Variants in HS3ST4 observed in about 807,000 individuals in gnomAD.
The protein encoded by HS3ST4 is heparan sulfate-glucosamine 3-sulfotransferase 4.
Under a neutral mutation model 29.2 loss-of-function variants are expected in HS3ST4, and 17 were observed. The observed-to-expected ratio is 0.58, with a 90% CI of 0.40 to 0.87. The LOEUF is 0.87. HS3ST4 is among the 40% of genes least tolerant of loss of function. The pLI is 0.00. For missense variants in HS3ST4, 627 were observed against 634.5 expected (o/e 0.99, Z 0.13); for synonymous variants, 314 against 285.7 (o/e 1.10, Z -1.00).
At chr16:25,737,491 CAG>C (rs1339600149) in intron 1 of HS3ST4, among the ~76,000 whole-genome samples, 5 of 152,054 alleles carry the variant, frequency 3.3e-5, no homozygotes, top group African/African-American at 1.2e-4. Context: ...ATCTCGTAAA[CAG>C]AAAGTCAAAT....
chr16:25,776,568 G>A (rs1322199955), intron 1 of HS3ST4, among the ~76,000 whole-genome samples: 3 of 152,324 alleles, frequency 2.0e-5, no homozygotes, highest in African/African-American at 7.2e-5. Context: ...GACCTCCTGA[G>A]GCTGTGTCAC....
At chr16:26,028,392 T>C (rs555442090) in intron 1 of HS3ST4, among the ~76,000 whole-genome samples, 1 of 152,176 alleles carries the variant, frequency 6.6e-6, no homozygotes, top group East Asian at 1.9e-4. Flanking sequence ...AAAGATAACT[T>C]ATTCTCTTGT....
At chr16:26,128,428 T>TA (rs1442709262) in intron 1 of HS3ST4, among the ~76,000 whole-genome samples, 1 of 152,222 alleles carries the variant, frequency 6.6e-6, no homozygotes, top group Non-Finnish European at 1.5e-5. Flanking sequence ...TCCCTGTTCT[T>TA]ACTTAATTCA....
At chr16:25,843,181 G>A (rs1271157435) in intron 1 of HS3ST4, among the ~76,000 whole-genome samples, 2 of 152,116 alleles carry the variant, frequency 1.3e-5, no homozygotes, top group Non-Finnish European at 1.5e-5. Context: ...TCACAGTTGT[G>A]TGGGTTACTT....
In HS3ST4 at chr16:26,137,489, T is replaced by G. The variant is rs1018695814; in HGVS notation, c.*1241T>G. On this transcript the variant is annotated 3_prime_UTR_variant, in exon 2 of 2. Coordinates refer to ENST00000331351, the MANE Select transcript of HS3ST4 (RefSeq NM_006040.3). Reference sequence around the variant, plus strand: ...CAAGAGCTGCTGAATGAAGTGTCCCTTCCCATCAGTTTGATTCAATTAAAA... The same window carrying G: ...CAAGAGCTGCTGAATGAAGTGTCCCGTCCCATCAGTTTGATTCAATTAAAA... 6.6e-6 allele frequency: 1 copy of G among 152,182 alleles called. No individual in the cohort carries two copies. The highest frequency in any genetic ancestry group is 2.1e-4 in the South Asian group (1 of 4,826). The allele number at this position is 152,182 out of a possible 1,614,324, so 9.4% of individuals were successfully genotyped here. A position where few individuals can be genotyped will look rare whatever the true frequency, so the allele number is the denominator to read the frequency against.
chr16:25,867,568 TCACA>T (rs770147278), intron 1 of HS3ST4, among the ~76,000 whole-genome samples: 14 of 151,968 alleles, frequency 9.2e-5, no homozygotes, highest in Non-Finnish European at 1.5e-4. Context: ...CAATAAACAG[TCACA>T]CACACGCACG....
chr16:25,768,140 G>T (rs1216145513), intron 1 of HS3ST4, among the ~76,000 whole-genome samples: 1 of 152,140 alleles, frequency 6.6e-6, no homozygotes, highest in Admixed American at 6.5e-5. Context: ...ATGCAGAGTT[G>T]GGTCATCAGT....
rs370279113 is a variant in HS3ST4, at chr16:25,832,740, AG to A, written c.734+139590del. Among the ~76,000 whole-genome samples the A allele has an allele frequency of 2.7e-3, 416 of 152,362 alleles. 4 individuals carry two copies. The highest frequency in any genetic ancestry group is 9.3e-3 in the African/African-American group (386 of 41,586). On this transcript the variant is annotated intron_variant, in intron 1 of 1. Coordinates refer to ENST00000331351, the MANE Select transcript of HS3ST4 (RefSeq NM_006040.3). ...TGGGCAATTTCTTTGTCAAACAAAAAGTACTGATTACCTTAGAAAGGATATT... is the reference window on the plus strand; with the variant it reads ...TGGGCAATTTCTTTGTCAAACAAAAATACTGATTACCTTAGAAAGGATATT...
intron 1 of HS3ST4, among the ~76,000 whole-genome samples, chr16:26,070,403 TGCAGACGTCA>T (rs1365378579): frequency 1.3e-5 from 2 of 152,198 alleles, no homozygotes; most frequent in Non-Finnish European, 2.9e-5. Flanking sequence ...AGCTCCCAGC[TGCAGACGTCA>T]GAACAAGCCT....
chr16:26,084,886 A>C (rs1297838917), intron 1 of HS3ST4, among the ~76,000 whole-genome samples: 1 of 152,112 alleles, frequency 6.6e-6, no homozygotes, highest in Non-Finnish European at 1.5e-5. Flanking sequence ...CAGGGATTTC[A>C]GGCATGAGCC....
At chr16:25,969,088 G>A (rs1968872223) in intron 1 of HS3ST4, among the ~76,000 whole-genome samples, 2 of 152,184 alleles carry the variant, frequency 1.3e-5, no homozygotes, top group African/African-American at 4.8e-5. Context: ...AAAGTGCTGG[G>A]ATTACAGGCG....
intron 1 of HS3ST4, among the ~76,000 whole-genome samples, chr16:26,027,310 G>A (rs1043081766): frequency 2.0e-5 from 3 of 152,110 alleles, no homozygotes; most frequent in African/African-American, 7.2e-5. Context: ...AAATTTCTGT[G>A]GTTCTCATTG....
At chr16:26,093,761 CT>C (rs1409467123) in intron 1 of HS3ST4, among the ~76,000 whole-genome samples, 1 of 152,198 alleles carries the variant, frequency 6.6e-6, no homozygotes, top group African/African-American at 2.4e-5. Context: ...CGGGGAATGA[CT>C]TTGACGAGTT....
intron 1 of HS3ST4, among the ~76,000 whole-genome samples, chr16:25,973,055 C>T (rs1382958467): frequency 6.6e-6 from 1 of 152,170 alleles, no homozygotes; most frequent in Non-Finnish European, 1.5e-5. Context: ...TGGGTTCTTC[C>T]TCAAAGAGCT....
intron 1 of HS3ST4, among the ~76,000 whole-genome samples, chr16:25,852,030 T>C (rs1967527033): frequency 6.6e-6 from 1 of 152,228 alleles, no homozygotes; most frequent in Non-Finnish European, 1.5e-5. Flanking sequence ...ATGAGAAAGG[T>C]GACATATAGA....
intron 1 of HS3ST4, among the ~76,000 whole-genome samples, chr16:26,067,519 C>T (rs1185901639): frequency 2.0e-5 from 3 of 151,592 alleles, no homozygotes; most frequent in Non-Finnish European, 4.4e-5. Context: ...ACCCCAGCCA[C>T]CCCTGTGCCA....
chr16:25,865,697 A>G (rs1967686940), intron 1 of HS3ST4, among the ~76,000 whole-genome samples: 1 of 152,214 alleles, frequency 6.6e-6, no homozygotes, highest in African/African-American at 2.4e-5. Context: ...ATCCTTGACA[A>G]AGTTGCCAAG....
chr16:25,695,108 CTGTGGTATGCCCAGCCT>C (rs1337894691), intron 1 of HS3ST4, among the ~76,000 whole-genome samples: 1 of 152,170 alleles, frequency 6.6e-6, no homozygotes, highest in East Asian at 1.9e-4. Flanking sequence ...TATTCCAGCG[CTGTGGTATGCCCAGCCT>C]TCTACTCCCA....
intron 1 of HS3ST4, among the ~76,000 whole-genome samples, chr16:25,873,512 A>C (rs372772584): frequency 7.5e-6 from 1 of 133,942 alleles, no homozygotes; most frequent in African/African-American, 2.8e-5. Context: ...CTATCTATCT[A>C]TCTATCTATC....
Sources: gnomAD v4.1 joint callset for allele counts (sites outside exome capture counted in the v4.1 genomes callset) on GRCh38, gnomAD v4.1.1 for gene constraint, MANE v1.5 for transcripts, NCBI Gene and HGNC (gene_info 2026-07-23, HGNC 2026-07-21) for gene names.